DNAJB14: variants seen among roughly 807,000 people sequenced by gnomAD.
The protein encoded by DNAJB14 is DnaJ heat shock protein family (Hsp40) member B14.
Under a neutral mutation model 48.4 loss-of-function variants are expected in DNAJB14, and 22 were observed. That is an observed-to-expected ratio of 0.45 (90% CI 0.32 to 0.65). The LOEUF (loss-of-function observed/expected upper bound fraction) is 0.65. Among genes scored for constraint, DNAJB14 ranks in the 30% least tolerant of loss-of-function variants. The pLI is 0.03. For synonymous variants in DNAJB14, 142 were observed against 158.7 expected (o/e 0.89, Z 0.79); for missense variants, 319 against 458.8 (o/e 0.70, Z 2.78).
At chr4:99,907,111 A>G (rs2110194868) in intron 4 of DNAJB14, among the ~76,000 whole-genome samples, 1 of 152,296 alleles carries the variant, frequency 6.6e-6, no homozygotes, top group Non-Finnish European at 1.5e-5. Flanking sequence ...GTTTTCATAT[A>G]AGATGACCAA....
At chr4:99,913,555 T>C (rs1029748157) in intron 3 of DNAJB14, among the ~76,000 whole-genome samples, 3 of 151,978 alleles carry the variant, frequency 2.0e-5, no homozygotes, top group African/African-American at 7.2e-5. Flanking sequence ...TCTTTTTATA[T>C]ACTGCAAAAT....
At chr4:99,942,234 T>C (rs1444247072) in intron 1 of DNAJB14, 5 of 152,144 alleles carry the variant, frequency 3.3e-5, no homozygotes, top group African/African-American at 1.2e-4. Flanking sequence ...ATCCGTTCAT[T>C]ACAGTAGATG....
At chr4:99,940,361 G>T (rs1238412376) in intron 1 of DNAJB14, among the ~76,000 whole-genome samples, 1 of 152,190 alleles carries the variant, frequency 6.6e-6, no homozygotes, top group African/African-American at 2.4e-5. Context: ...GGGAGGCTGA[G>T]GCAGGTGGAT....
At chr4:99,905,746 C>A (rs761640954) in intron 5 of DNAJB14, 40 bp from the exon 6 acceptor site, 21 of 1,577,520 alleles carry the variant, frequency 1.3e-5, no homozygotes, top group Non-Finnish European at 1.7e-5. Flanking sequence ...TGTAATATAA[C>A]TGTAGTTGTT....
intron 2 of DNAJB14, chr4:99,926,209 G>A (rs895584908): frequency 2.6e-5 from 4 of 152,140 alleles, no homozygotes; most frequent in Admixed American, 1.3e-4. Context: ...TTACCAAAGT[G>A]TACTACAGTT....
intron 2 of DNAJB14, chr4:99,924,800 C>T (rs1726190050): frequency 6.3e-7 from 1 of 1,588,466 alleles, no homozygotes; most frequent in African/African-American, 1.3e-5. Context: ...ATCAATGTTC[C>T]AATATCCATA....
intron 3 of DNAJB14, among the ~76,000 whole-genome samples, chr4:99,919,967 A>G (rs1299401788): frequency 1.3e-5 from 2 of 152,214 alleles, no homozygotes; most frequent in Admixed American, 6.5e-5. Context: ...TACTCTGCTC[A>G]CAATGAGTCT....
intron 3 of DNAJB14, among the ~76,000 whole-genome samples, chr4:99,916,134 C>T (rs775087779): frequency 6.6e-6 from 1 of 152,066 alleles, no homozygotes; most frequent in African/African-American, 2.4e-5. Flanking sequence ...AGACAACATA[C>T]AGCAAAATCA....
At chr4:99,926,486 T>C (rs145048103) in intron 2 of DNAJB14, 6 of 152,276 alleles carry the variant, frequency 3.9e-5, no homozygotes, top group Non-Finnish European at 7.4e-5. Context: ...GGTACGAATA[T>C]GGCAGACACT....
At chr4:99,943,876 T>C (rs550285657) in intron 1 of DNAJB14, among the ~76,000 whole-genome samples, 3 of 151,654 alleles carry the variant, frequency 2.0e-5, no homozygotes, top group Admixed American at 6.6e-5. Flanking sequence ...AAAGCAAAAA[T>C]AGAAAAATGG....
chr4:99,930,575 G>A lies in DNAJB14; in HGVS notation c.180C>T (p.Ser60=), dbSNP rs780523695. The A allele has an allele frequency of 5.6e-6, 9 of 1,611,710 alleles. No homozygotes were observed. The highest frequency in any genetic ancestry group is 2.7e-5 in the African/African-American group (2 of 74,952). ...IMKNGSTAGN[S]PHCRKPSGSG... ...TACCTGATGGTTTTCGGCAATGAGG[G>A]CTATTTCCAGCCGTGCTTCCATTTT... The change falls in exon 2 of 8, where the codon AGC becomes AGT. Residue 60 remains serine, a synonymous_variant. Coordinates refer to ENST00000442697, the MANE Select transcript of DNAJB14 (RefSeq NM_001031723.4).
chr4:99,927,757 T>C (rs1436738610), intron 2 of DNAJB14: 2 of 152,196 alleles, frequency 1.3e-5, no homozygotes, highest in Non-Finnish European at 2.9e-5. Context: ...CTTCTCCCCA[T>C]TGAGCCAAAT....
chr4:99,909,426 G>A (rs1725582578), intron 3 of DNAJB14, among the ~76,000 whole-genome samples: 1 of 151,986 alleles, frequency 6.6e-6, no homozygotes, highest in Non-Finnish European at 1.5e-5. Context: ...CCTGGAGCCT[G>A]AATGAGCTAT....
chr4:99,915,338 C>T (rs1394885519), intron 3 of DNAJB14, among the ~76,000 whole-genome samples: 2 of 152,128 alleles, frequency 1.3e-5, no homozygotes, highest in Admixed American at 6.6e-5. Context: ...GGGGTTTCAT[C>T]GTGTTAGCCA....
At position 99,930,484 on chromosome 4, in the gene DNAJB14, CT is replaced by C; in HGVS notation, c.270del (p.Gly91AlafsTer7). On this transcript the variant is annotated frameshift_variant, in exon 2 of 8. Coordinates refer to ENST00000442697, the MANE Select transcript of DNAJB14 (RefSeq NM_001031723.4). LOFTEE classifies it high-confidence loss of function. Reference protein sequence around the residue: ...DSTSGSGEGGKGYTKDQVDGV... With the variant: ...DSTSGSGEGGXGYTKDQVDGV... ...CCATCTACTTGGTCTTTGGTATAGC[CT>C]TTTCCACCTTCACCACTACCAGATG... The C allele has an allele frequency of 6.2e-7, 1 of 1,607,720 alleles. No individual in the cohort carries two copies. The highest frequency in any genetic ancestry group is 8.5e-7 in the Non-Finnish European group (1 of 1,176,764).
chr4:99,907,185 A>G (rs1725496269), intron 4 of DNAJB14, among the ~76,000 whole-genome samples: 1 of 152,216 alleles, frequency 6.6e-6, no homozygotes, highest in African/African-American at 2.4e-5. Context: ...ATCAAGTATC[A>G]GAAGAAAATT....
intron 1 of DNAJB14, among the ~76,000 whole-genome samples, chr4:99,939,261 C>G (rs1286192582): frequency 6.6e-6 from 1 of 152,172 alleles, no homozygotes; most frequent in Non-Finnish European, 1.5e-5. Context: ...ACTTGGGAGG[C>G]TAAGGCAGGA....
intron 3 of DNAJB14, among the ~76,000 whole-genome samples, chr4:99,919,819 TG>T (rs1424539212): frequency 1.3e-5 from 2 of 152,298 alleles, no homozygotes; most frequent in Non-Finnish European, 2.9e-5. Flanking sequence ...GAAGTCCTCA[TG>T]GAATTTTAGA....
chr4:99,932,585 A>T (rs1726516109), intron 1 of DNAJB14, among the ~76,000 whole-genome samples: 1 of 152,206 alleles, frequency 6.6e-6, no homozygotes, highest in Admixed American at 6.5e-5. Context: ...ACTTTGAAAA[A>T]ATCATCTAGT....
Sources: gnomAD v4.1 joint callset for allele counts (sites outside exome capture counted in the v4.1 genomes callset) on GRCh38, gnomAD v4.1.1 for gene constraint, MANE v1.5 for transcripts, NCBI Gene and HGNC (gene_info 2026-07-23, HGNC 2026-07-21) for gene names.